The following CDH13 variants were observed in gnomAD, a reference collection of about 807,000 sequenced individuals.
CDH13 encodes the protein cadherin 13, also known as cadherin-13.
In CDH13, 24 loss-of-function variants were observed where a neutral mutation model predicts 63.8. The ratio of observed to expected loss-of-function variants is 0.38; its 90% CI spans 0.27 to 0.53. The LOEUF (loss-of-function observed/expected upper bound fraction) is 0.53, where lower values mean the gene tolerates loss of function less well. CDH13 is among the 20% of genes least tolerant of loss of function. CDH13 has a pLI of 0.85. For missense variants in CDH13, 1,049 were observed against 903.1 expected (o/e 1.16, Z -2.07); for synonymous variants, 503 against 355.3 (o/e 1.42, Z -4.67).
intron 11 of CDH13, among the ~76,000 whole-genome samples, chr16:83,778,869 C>T (rs1352933975): frequency 6.6e-6 from 1 of 152,160 alleles, no homozygotes; most frequent in African/African-American, 2.4e-5. Flanking sequence ...TAGTCAACTC[C>T]TCAGTTAGAG....
At chr16:83,253,099 T>G (rs923754452) in intron 5 of CDH13, among the ~76,000 whole-genome samples, 1 of 152,216 alleles carries the variant, frequency 6.6e-6, no homozygotes, top group African/African-American at 2.4e-5. Context: ...CTCTTACTAA[T>G]CTGGTGGTGG....
At chr16:83,625,635 G>T (rs115510079) in intron 8 of CDH13, among the ~76,000 whole-genome samples, 124 of 152,114 alleles carry the variant, frequency 8.2e-4, no homozygotes, top group African/African-American at 2.9e-3. Flanking sequence ...CCCTCTTTTG[G>T]CTTCGAAAAA....
At position 83,721,883 on chromosome 16, in the gene CDH13, A is replaced by G. The variant is rs1909740536; in HGVS notation, c.1539-26225A>G. The G allele has an allele frequency of 1.3e-5, 2 of 152,270 alleles. 1 individual carries two copies. Among genetic ancestry groups the G allele is most frequent in the South Asian group, 4.1e-4 (2 of 4,830 alleles). 9.4% of individuals were successfully genotyped at this position (152,270 alleles called of 1,614,324 possible). A position where few individuals can be genotyped will look rare whatever the true frequency, so the allele number is the denominator to read the frequency against. ...AATGCAAGAAGGTCAACCATCTCAC[A>G]CACATCTAGGGACCGTGGGGAAACC... is the stretch of plus-strand genomic sequence containing the variant. On this transcript the variant is annotated intron_variant, in intron 10 of 13. Transcript: ENST00000567109.
intron 5 of CDH13, among the ~76,000 whole-genome samples, chr16:83,333,750 A>G (rs970044525): frequency 6.9e-4 from 105 of 152,262 alleles, no homozygotes; most frequent in Non-Finnish European, 5.6e-4. Flanking sequence ...TTAGTAAGAG[A>G]GCATGATCAC....
At chr16:83,250,899 A>G (rs1905448361) in intron 5 of CDH13, among the ~76,000 whole-genome samples, 1 of 152,186 alleles carries the variant, frequency 6.6e-6, no homozygotes, top group Non-Finnish European at 1.5e-5. Context: ...TGACACTGTT[A>G]TGCAAACATG....
At chr16:83,386,362 A>G (rs979817451) in intron 6 of CDH13, among the ~76,000 whole-genome samples, 2 of 152,192 alleles carry the variant, frequency 1.3e-5, no homozygotes, top group African/African-American at 4.8e-5. Flanking sequence ...GGGCAGCGCT[A>G]TTATTAGAGA....
At chr16:83,549,873 AAG>A (rs950664015) in intron 7 of CDH13, among the ~76,000 whole-genome samples, 1 of 151,984 alleles carries the variant, frequency 6.6e-6, no homozygotes, top group Admixed American at 6.6e-5. Flanking sequence ...CAGGAGGTGA[AAG>A]AGAGAGAGAG....
intron 9 of CDH13, among the ~76,000 whole-genome samples, chr16:83,677,788 C>T (rs1038277097): frequency 2.6e-5 from 4 of 151,996 alleles, no homozygotes; most frequent in Non-Finnish European, 2.9e-5. Context: ...CCGTGGGTGT[C>T]GGGGGTACGG....
intron 5 of CDH13, among the ~76,000 whole-genome samples, chr16:83,237,798 A>C (rs1051593177): frequency 2.0e-5 from 3 of 152,234 alleles, no homozygotes; most frequent in East Asian, 3.8e-4. Flanking sequence ...CTGTCGAGAT[A>C]AAATGAGGTA....
At chr16:83,026,897 G>C (rs377349121) in intron 2 of CDH13, among the ~76,000 whole-genome samples, 80 of 152,156 alleles carry the variant, frequency 5.3e-4, no homozygotes, top group African/African-American at 1.9e-3. Context: ...TCACCAATGA[G>C]CTAGGTCAGA....
chr16:83,747,303 G>A (rs1014214134), intron 10 of CDH13, among the ~76,000 whole-genome samples: 2 of 152,158 alleles, frequency 1.3e-5, no homozygotes, highest in Non-Finnish European at 2.9e-5. Context: ...ATAGGGGCGG[G>A]TCTTTCCCAT....
intron 2 of CDH13, among the ~76,000 whole-genome samples, chr16:82,935,073 G>T (rs563210854): frequency 6.6e-6 from 1 of 152,166 alleles, no homozygotes; most frequent in African/African-American, 2.4e-5. Context: ...CTGCTACAAA[G>T]ACATACCTGA....
chr16:82,952,455 C>T (rs1045607638), intron 2 of CDH13, among the ~76,000 whole-genome samples: 2 of 152,176 alleles, frequency 1.3e-5, no homozygotes, highest in African/African-American at 4.8e-5. Flanking sequence ...GTAAGTTATC[C>T]TCTTGCCTAG....
chr16:83,207,006 T>C (rs898956028), intron 4 of CDH13, among the ~76,000 whole-genome samples: 10 of 152,172 alleles, frequency 6.6e-5, no homozygotes, highest in African/African-American at 2.4e-4. Context: ...GAAAGCAACA[T>C]AAAAGCAAGG....
chr16:83,739,659 G>C (rs949572817), intron 10 of CDH13, among the ~76,000 whole-genome samples: 4 of 152,156 alleles, frequency 2.6e-5, no homozygotes, highest in African/African-American at 9.7e-5. Flanking sequence ...TGGGAGTTTG[G>C]CTGGGACAAG....
At chr16:83,763,193 A>C (rs1269555433) in intron 11 of CDH13, among the ~76,000 whole-genome samples, 2 of 152,300 alleles carry the variant, frequency 1.3e-5, no homozygotes, top group East Asian at 3.9e-4. Context: ...CCTGCCAGTG[A>C]AAAATGTGAT....
intron 1 of CDH13, among the ~76,000 whole-genome samples, chr16:82,779,162 T>C (rs1156984436): frequency 6.6e-6 from 1 of 152,214 alleles, no homozygotes; most frequent in Non-Finnish European, 1.5e-5. Flanking sequence ...TACTGTATGC[T>C]AGATATCCTT....
At chr16:83,143,685 A>C (rs1048375127) in intron 4 of CDH13, among the ~76,000 whole-genome samples, 2 of 152,148 alleles carry the variant, frequency 1.3e-5, no homozygotes, top group Non-Finnish European at 2.9e-5. Flanking sequence ...GAGTGCAGGG[A>C]TTGTAAGCTC....
intron 5 of CDH13, among the ~76,000 whole-genome samples, chr16:83,241,685 AT>A (rs1904466648): frequency 6.6e-6 from 1 of 151,952 alleles, no homozygotes; most frequent in African/African-American, 2.4e-5. Context: ...GTTTATTTGG[AT>A]TTTTGTTGGA....
Sources: gnomAD v4.1 joint callset for allele counts (sites outside exome capture counted in the v4.1 genomes callset) on GRCh38, gnomAD v4.1.1 for gene constraint, MANE v1.5 for transcripts, NCBI Gene and HGNC (gene_info 2026-07-23, HGNC 2026-07-21) for gene names.